Variants in ZFAT observed in about 807,000 individuals in gnomAD.
The protein encoded by ZFAT is zinc finger and AT-hook domain containing, also known as zinc finger protein ZFAT.
In ZFAT, 64 loss-of-function variants were observed where a neutral mutation model predicts 117.7. That is an observed-to-expected ratio of 0.54 (90% CI 0.44 to 0.67). The LOEUF (loss-of-function observed/expected upper bound fraction) is 0.67. Ranked by LOEUF, ZFAT falls within the 30% of genes least tolerant of loss-of-function variation. The pLI is 0.00. For missense variants in ZFAT, 1,433 were observed against 1,584.5 expected (o/e 0.90, Z 1.62); for synonymous variants, 679 against 615.0 (o/e 1.10, Z -1.54).
In ZFAT at chr8:134,565,405, G is replaced by T; in HGVS notation, c.2904C>A (p.Cys968Ter). ...GGGCCGCTGTGTAGTCACACACCGT[G>T]CACTTAAACTGCTTCCCTGGAAAGA... Reference protein sequence around the residue: ...LHTADGKQFKCTVCDYTAAQK... With the variant: ...LHTADGKQFK Residue 968 changes from cysteine to a stop codon, truncating the protein, a stop_gained, in exon 11 of 16, where the codon TGC becomes TGA. Coordinates refer to ENST00000377838, the MANE Select transcript of ZFAT (RefSeq NM_020863.4). LOFTEE classifies it high-confidence loss of function. 6.2e-7 allele frequency: 1 copy of T among 1,613,578 alleles called. No homozygotes were observed. The highest frequency in any genetic ancestry group is 8.5e-7 in the Non-Finnish European group (1 of 1,179,780).
At chr8:134,583,802 G>A in intron 10 of ZFAT, 30 bp downstream of exon 10, 2 of 1,609,638 alleles carry the variant, frequency 1.2e-6, no homozygotes, top group South Asian at 1.1e-5. Context: ...ACATTTAGAG[G>A]GGAAAGTTCA....
At chr8:134,571,356 CA>C (rs1323643519) in intron 10 of ZFAT, among the ~76,000 whole-genome samples, 1 of 152,196 alleles carries the variant, frequency 6.6e-6, no homozygotes, top group African/African-American at 2.4e-5. Context: ...AAGAGGTGAA[CA>C]CAGCACTGGG....
intron 11 of ZFAT, among the ~76,000 whole-genome samples, chr8:134,537,292 C>T (rs1821910476): frequency 6.6e-6 from 1 of 152,212 alleles, no homozygotes; most frequent in African/African-American, 2.4e-5. Context: ...AGATTTGGGG[C>T]CCCAGGCCCA....
At chr8:134,612,371 C>T (rs997189012) in intron 3 of ZFAT, among the ~76,000 whole-genome samples, 1 of 152,146 alleles carries the variant, frequency 6.6e-6, no homozygotes, top group South Asian at 2.1e-4. Context: ...CCATTTGGTC[C>T]GTCTGTTTCC....
chr8:134,620,151 T>TGAAA (rs1251659914), intron 3 of ZFAT, among the ~76,000 whole-genome samples: 2 of 152,174 alleles, frequency 1.3e-5, no homozygotes, highest in African/African-American at 4.8e-5. Flanking sequence ...GGCAGAGGTG[T>TGAAA]GAAAGGCTTA....
intron 1 of ZFAT, among the ~76,000 whole-genome samples, chr8:134,699,140 A>C (rs1013818918): frequency 9.9e-5 from 15 of 152,022 alleles, no homozygotes; most frequent in Non-Finnish European, 1.6e-4. Context: ...CCCTCCCCGC[A>C]TTGCGTAGGG....
intron 1 of ZFAT, among the ~76,000 whole-genome samples, chr8:134,669,510 T>TA (rs2131257312): frequency 6.6e-6 from 1 of 152,288 alleles, no homozygotes; most frequent in South Asian, 2.1e-4. Flanking sequence ...CTAAGCTTCA[T>TA]AAGTGAAGGA....
intron 6 of ZFAT, among the ~76,000 whole-genome samples, chr8:134,601,111 T>G (rs1827409273): frequency 6.6e-6 from 1 of 152,208 alleles, no homozygotes; most frequent in Non-Finnish European, 1.5e-5. Context: ...TACAGAGAGC[T>G]GCAGCCACTT....
At chr8:134,525,381 G>A (rs1393577022) in intron 12 of ZFAT, among the ~76,000 whole-genome samples, 1 of 152,196 alleles carries the variant, frequency 6.6e-6, no homozygotes, top group Non-Finnish European at 1.5e-5. Flanking sequence ...CGAAAGAGCT[G>A]AGCTGACCAC....
chr8:134,522,579 G>T (rs1820743818), intron 12 of ZFAT, among the ~76,000 whole-genome samples: 1 of 152,088 alleles, frequency 6.6e-6, no homozygotes, highest in Non-Finnish European at 1.5e-5. Context: ...ACACTCCAGA[G>T]CCCAAAACTT....
At chr8:134,664,762 C>T (rs1382949238) in intron 1 of ZFAT, among the ~76,000 whole-genome samples, 1 of 152,202 alleles carries the variant, frequency 6.6e-6, no homozygotes, top group South Asian at 2.1e-4. Context: ...ATATCTTGCA[C>T]CCTGAAATAT....
chr8:134,487,047 T>C (rs1817707518), intron 15 of ZFAT, among the ~76,000 whole-genome samples: 1 of 152,192 alleles, frequency 6.6e-6, no homozygotes, highest in South Asian at 2.1e-4. Context: ...TATGTCTACG[T>C]GGATATCCAT....
intron 2 of ZFAT, among the ~76,000 whole-genome samples, chr8:134,641,683 T>C (rs1830592229): frequency 6.6e-6 from 1 of 152,016 alleles, no homozygotes; most frequent in Non-Finnish European, 1.5e-5. Flanking sequence ...GGATGTGGAG[T>C]AGATACAATT....
At chr8:134,666,292 T>C (rs564637522) in intron 1 of ZFAT, among the ~76,000 whole-genome samples, 39 of 152,280 alleles carry the variant, frequency 2.6e-4, no homozygotes, top group South Asian at 8.3e-4. Flanking sequence ...AACAAGGCAG[T>C]ACCCCCTTGT....
At chr8:134,574,291 C>T (rs1825145717) in intron 10 of ZFAT, among the ~76,000 whole-genome samples, 1 of 152,150 alleles carries the variant, frequency 6.6e-6, no homozygotes, top group Non-Finnish European at 1.5e-5. Flanking sequence ...GGGAGCCACA[C>T]TCTGAGCTCC....
At chr8:134,770,374 T>C in the ZFAT span, among the ~76,000 whole-genome samples, 1 of 152,250 alleles carries the variant, frequency 6.6e-6, no homozygotes, top group African/African-American at 2.4e-5. Flanking sequence ...TTAATACTTT[T>C]ATAATTTCTT....
intron 11 of ZFAT, among the ~76,000 whole-genome samples, chr8:134,560,114 G>T (rs913166965): frequency 6.6e-6 from 1 of 152,126 alleles, no homozygotes; most frequent in East Asian, 1.9e-4. Flanking sequence ...ATCTGGGGAG[G>T]GAGGCAGAGA....
chr8:134,583,943 C>T lies in ZFAT; in HGVS notation c.2776G>A (p.Ala926Thr). ...TCAGTGCTGTGACGATTCATATGAG[C>T]CTTGAGGTTACTCTTGCTACGAGTT... ...YATRSKSNLK[A>T]HMNRHSTEKT... The change falls in exon 10 of 16, where the codon GCT (alanine) becomes ACT (threonine). Residue 926 changes from alanine to threonine, a missense_variant. Coordinates refer to ENST00000377838, the MANE Select transcript of ZFAT (RefSeq NM_020863.4). The T allele has an allele frequency of 6.3e-7, 1 of 1,589,674 alleles. No individual in the cohort carries two copies. The highest frequency in any genetic ancestry group is 2.3e-5 in the East Asian group (1 of 44,218).
the ZFAT span, among the ~76,000 whole-genome samples, chr8:134,828,411 A>G: frequency 1.3e-5 from 2 of 152,248 alleles, no homozygotes; most frequent in Non-Finnish European, 2.9e-5. Flanking sequence ...AATACTATTA[A>G]GCATTCTGAA....
Sources: allele counts gnomAD v4.1 joint callset (sites outside exome capture counted in the v4.1 genomes callset), GRCh38; gene constraint gnomAD v4.1.1; transcripts MANE v1.5; gene names NCBI Gene and HGNC (gene_info 2026-07-23, HGNC 2026-07-21).